SETBP1: variants seen among roughly 807,000 people sequenced by gnomAD.
The protein encoded by SETBP1 is SET binding protein 1.
A neutral mutation model predicts 101.0 loss-of-function variants in SETBP1; 9 were observed. That is an observed-to-expected ratio of 0.09 (90% confidence interval 0.05 to 0.16). SETBP1 has a LOEUF of 0.16. SETBP1 is among the 10% of genes least tolerant of loss of function. The pLI, the probability that SETBP1 is intolerant of heterozygous loss-of-function variation, is 1.00. For missense variants in SETBP1, 1,858 were observed against 2,033.8 expected (o/e 0.91, Z 1.66); for synonymous variants, 818 against 788.5 (o/e 1.04, Z -0.63).
At chr18:44,702,190 A>G (rs1304450722) in intron 2 of SETBP1, among the ~76,000 whole-genome samples, 1 of 152,228 alleles carries the variant, frequency 6.6e-6, no homozygotes, top group African/African-American at 2.4e-5. Context: ...GTGGAAGTGC[A>G]CCATCATAAA....
At chr18:44,839,073 T>TAAAAAAA (rs11295119) in intron 2 of SETBP1, among the ~76,000 whole-genome samples, 1 of 146,272 alleles carries the variant, frequency 6.8e-6, no homozygotes. Flanking sequence ...CTTAATATCT[T>TAAAAAAA]AAAAAAAAAA....
chr18:44,799,586 T>TGCTG (rs143188608), intron 2 of SETBP1, among the ~76,000 whole-genome samples: 10,166 of 151,918 alleles, frequency 0.067, 371 homozygotes, highest in African/African-American at 0.091. Flanking sequence ...ATCACAGGGA[T>TGCTG]AGTAATATCG....
chr18:44,842,863 T>C (rs928135823), intron 2 of SETBP1, among the ~76,000 whole-genome samples: 1 of 152,206 alleles, frequency 6.6e-6, no homozygotes, highest in Admixed American at 6.5e-5. Context: ...TGATCCCTCA[T>C]GTGGATTTCC....
intron 2 of SETBP1, among the ~76,000 whole-genome samples, chr18:44,860,617 C>T (rs896376253): frequency 1.7e-4 from 26 of 152,046 alleles, no homozygotes; most frequent in Non-Finnish European, 7.4e-5. Context: ...CATGTTGGCG[C>T]GTGCCTGTAA....
At position 44,837,998 on chromosome 18, in the gene SETBP1, G is replaced by A. The variant is rs968464803; in HGVS notation, c.487-31232G>A. On this transcript the variant is annotated intron_variant, in intron 2 of 5. Transcript: ENST00000649279. The stretch of plus-strand genomic sequence containing the variant: ...CATGTTTCCACAATTCTCAGGGCTC[G>A]TTCCCACTGTGGCTTGTTTTCTCTT... Among the ~76,000 whole-genome samples the A allele has an allele frequency of 5.9e-5, 9 of 152,224 alleles. No individual in the cohort carries two copies. In the East Asian group the frequency reaches 1.5e-3, roughly 26 times the overall value.
intron 4 of SETBP1, among the ~76,000 whole-genome samples, chr18:44,974,533 A>G (rs1734899981): frequency 6.6e-6 from 1 of 152,182 alleles, no homozygotes; most frequent in African/African-American, 2.4e-5. Context: ...TTGAGGTTCT[A>G]AACTAAAAGC....
chr18:44,752,378 A>G (rs1599075126), intron 2 of SETBP1, among the ~76,000 whole-genome samples: 2 of 152,172 alleles, frequency 1.3e-5, no homozygotes, highest in African/African-American at 4.8e-5. Flanking sequence ...GGTAGAAAGT[A>G]TATATGTCAT....
At chr18:44,868,435 C>G (rs965145217) in intron 2 of SETBP1, among the ~76,000 whole-genome samples, 1 of 152,008 alleles carries the variant, frequency 6.6e-6, no homozygotes, top group Admixed American at 6.6e-5. Context: ...TGGCTCACAC[C>G]TGTAATCCCA....
chr18:45,008,407 G>T, intron 4 of SETBP1, among the ~76,000 whole-genome samples: 1 of 152,180 alleles, frequency 6.6e-6, no homozygotes, highest in East Asian at 1.9e-4. Flanking sequence ...CTTCTCTCAT[G>T]AATGTATCAG....
In SETBP1 at chr18:44,801,618, T is replaced by G. The variant is rs78691015; in HGVS notation, c.487-67612T>G. Among the ~76,000 whole-genome samples the G allele has an allele frequency of 0.012, 1,879 of 152,280 alleles. 87 individuals carry two copies. The East Asian group carries it at 0.17, about 13-fold the overall frequency. On this transcript the variant is annotated intron_variant, in intron 2 of 5. Transcript: ENST00000649279. ...TATGTGTGTGGATTTGTGTGTGTGT[T>G]TCTCAACATTGGGACCATTCATGGT...
chr18:44,712,596 C>T (rs1173089953), intron 2 of SETBP1, among the ~76,000 whole-genome samples: 1 of 152,138 alleles, frequency 6.6e-6, no homozygotes, highest in Admixed American at 6.5e-5. Context: ...TAGAAACTAA[C>T]TTATTTGGGT....
intron 2 of SETBP1, among the ~76,000 whole-genome samples, chr18:44,744,135 G>C (rs893767538): frequency 3.3e-5 from 5 of 152,236 alleles, no homozygotes; most frequent in African/African-American, 1.2e-4. Context: ...AGAGCAGGTG[G>C]ATTTCTGACA....
At chr18:44,807,162 A>C (rs1280700221) in intron 2 of SETBP1, among the ~76,000 whole-genome samples, 2 of 152,184 alleles carry the variant, frequency 1.3e-5, no homozygotes. Flanking sequence ...ATATAATGTG[A>C]GCTCAGACTG....
At chr18:44,732,445 C>G (rs915679914) in intron 2 of SETBP1, 1 of 152,134 alleles carries the variant, frequency 6.6e-6, no homozygotes, top group South Asian at 2.1e-4. Context: ...TGTGTCCCGA[C>G]GGATATATAA....
intron 4 of SETBP1, among the ~76,000 whole-genome samples, chr18:44,974,048 A>G (rs1430525417): frequency 6.6e-6 from 1 of 152,254 alleles, no homozygotes; most frequent in Admixed American, 6.5e-5. Context: ...ATTTTTAAAA[A>G]TGAAGTAAAA....
At chr18:44,916,798 T>C (rs192193603) in intron 3 of SETBP1, among the ~76,000 whole-genome samples, 6 of 152,360 alleles carry the variant, frequency 3.9e-5, no homozygotes, top group Admixed American at 3.9e-4. Context: ...TTCTGCTACA[T>C]TGTCTTCAAG....
At chr18:44,908,153 C>G (rs534669106) in intron 3 of SETBP1, among the ~76,000 whole-genome samples, 2 of 152,008 alleles carry the variant, frequency 1.3e-5, no homozygotes, top group Non-Finnish European at 2.9e-5. Flanking sequence ...CTCCGCCTCC[C>G]GGGTTCAAGT....
At chr18:45,026,820 G>A (rs761300503) in intron 4 of SETBP1, among the ~76,000 whole-genome samples, 12 of 152,252 alleles carry the variant, frequency 7.9e-5, no homozygotes, top group East Asian at 3.9e-4. Context: ...GTGCATGCGC[G>A]TGTACACACG....
intron 3 of SETBP1, among the ~76,000 whole-genome samples, chr18:44,893,389 C>T (rs1212683199): frequency 6.6e-6 from 1 of 152,110 alleles, no homozygotes; most frequent in Non-Finnish European, 1.5e-5. Context: ...CAAATGGAAG[C>T]GTGGAGATGT....
Sources: gnomAD v4.1 joint callset for allele counts (sites outside exome capture counted in the v4.1 genomes callset) on GRCh38, gnomAD v4.1.1 for gene constraint, MANE v1.5 for transcripts, NCBI Gene and HGNC (gene_info 2026-07-23, HGNC 2026-07-21) for gene names.